The following ARB2A variants were observed in gnomAD, a reference collection of about 807,000 sequenced individuals.
The protein encoded by ARB2A is cotranscriptional regulator ARB2A.
the ARB2A span, among the ~76,000 whole-genome samples, chr5:93,987,396 G>A: frequency 6.6e-6 from 1 of 152,148 alleles, no homozygotes; most frequent in Non-Finnish European, 1.5e-5. Context: ...TTACATTAAA[G>A]AGACTATGAT....
chr5:93,868,248 AG>A, the ARB2A span, among the ~76,000 whole-genome samples: 1 of 152,194 alleles, frequency 6.6e-6, no homozygotes, highest in Admixed American at 6.5e-5. Flanking sequence ...TTGAGCCCAG[AG>A]GTCAAGGCTG....
At chr5:93,966,664 G>A in the ARB2A span, among the ~76,000 whole-genome samples, 9 of 152,086 alleles carry the variant, frequency 5.9e-5, no homozygotes, top group South Asian at 2.1e-4. Flanking sequence ...GCAATTCTCC[G>A]TGTTCAGCAT....
the ARB2A span, among the ~76,000 whole-genome samples, chr5:93,924,403 C>G: frequency 6.6e-6 from 1 of 152,052 alleles, no homozygotes; most frequent in Non-Finnish European, 1.5e-5. Context: ...AATGGATAAC[C>G]AGATAAATGG....
the ARB2A span, among the ~76,000 whole-genome samples, chr5:94,110,951 G>A: frequency 6.6e-6 from 1 of 152,168 alleles, no homozygotes; most frequent in African/African-American, 2.4e-5. Context: ...ACCTGGATGA[G>A]GGAAAGAGAA....
At chr5:93,772,968 T>G in the ARB2A span, among the ~76,000 whole-genome samples, 1 of 152,250 alleles carries the variant, frequency 6.6e-6, no homozygotes, top group Non-Finnish European at 1.5e-5. Context: ...CAGCTGTGAC[T>G]GCTAGGTGAC....
the ARB2A span, among the ~76,000 whole-genome samples, chr5:93,748,067 GT>G: frequency 6.6e-6 from 1 of 152,106 alleles, no homozygotes; most frequent in Non-Finnish European, 1.5e-5. Flanking sequence ...AGAATTTTCT[GT>G]AATAATTTAA....
the ARB2A span, among the ~76,000 whole-genome samples, chr5:94,084,190 CT>C: frequency 6.8e-6 from 1 of 147,332 alleles, no homozygotes; most frequent in Non-Finnish European, 1.5e-5. Context: ...AGGAGAATCA[CT>C]TGAACCCAAG....
At chr5:94,010,640 C>T in the ARB2A span, among the ~76,000 whole-genome samples, 2 of 152,088 alleles carry the variant, frequency 1.3e-5, no homozygotes, top group Non-Finnish European at 2.9e-5. Flanking sequence ...GGAGCCTTCT[C>T]ATTTACAGTC....
the ARB2A span, chr5:93,881,737 T>C: frequency 7.7e-7 from 1 of 1,303,758 alleles, no homozygotes; most frequent in Middle Eastern, 2.4e-4. Flanking sequence ...TATAATCCAT[T>C]TCAATTTTCA....
the ARB2A span, among the ~76,000 whole-genome samples, chr5:93,688,961 C>G: frequency 6.6e-6 from 1 of 152,208 alleles, no homozygotes; most frequent in African/African-American, 2.4e-5. Flanking sequence ...TTACCCTTAT[C>G]ACAGCTAGAC....
chr5:94,034,806 C>T, the ARB2A span, among the ~76,000 whole-genome samples: 4 of 152,266 alleles, frequency 2.6e-5, no homozygotes, highest in Middle Eastern at 3.4e-3. Flanking sequence ...TGTTAGGAAC[C>T]GGGCTGCACA....
the ARB2A span, among the ~76,000 whole-genome samples, chr5:94,086,312 T>C: frequency 2.0e-5 from 3 of 152,204 alleles, no homozygotes; most frequent in Non-Finnish European, 4.4e-5. Context: ...TTTTGGTTAA[T>C]GACAGAATGC....
the ARB2A span, among the ~76,000 whole-genome samples, chr5:93,667,265 G>T: frequency 6.6e-6 from 1 of 152,004 alleles, no homozygotes; most frequent in Non-Finnish European, 1.5e-5. Flanking sequence ...CTAAATTACA[G>T]TATTAATTTC....
At chr5:93,682,931 A>T in the ARB2A span, 5 of 1,577,396 alleles carry the variant, frequency 3.2e-6, no homozygotes, top group South Asian at 3.3e-5. Context: ...TTTGGCTTCC[A>T]CTTTGGGAAG....
chr5:93,853,027 G>T, the ARB2A span, among the ~76,000 whole-genome samples: 2 of 152,190 alleles, frequency 1.3e-5, no homozygotes, highest in African/African-American at 2.4e-5. Flanking sequence ...GATGGCATTG[G>T]ATCTATAAAT....
the ARB2A span, among the ~76,000 whole-genome samples, chr5:93,721,190 G>C: frequency 6.6e-6 from 1 of 152,124 alleles, no homozygotes; most frequent in South Asian, 2.1e-4. Context: ...GTGGAACCTA[G>C]CGAGGCAGCT....
chr5:94,089,592 T>TACACAC, the ARB2A span, among the ~76,000 whole-genome samples: 2 of 79,752 alleles, frequency 2.5e-5, no homozygotes, highest in Admixed American at 1.5e-4. Context: ...TAAAACCGTT[T>TACACAC]ATACACACAC....
the ARB2A span, among the ~76,000 whole-genome samples, chr5:93,706,972 G>A: frequency 6.6e-6 from 1 of 151,960 alleles, no homozygotes; most frequent in Non-Finnish European, 1.5e-5. Context: ...CACTGGATAT[G>A]ATCATAAGAG....
chr5:93,741,630 C>A, the ARB2A span: 1 of 1,435,096 alleles, frequency 7.0e-7, no homozygotes, highest in South Asian at 1.5e-5. Flanking sequence ...GAACAGCCAC[C>A]GGCCCCCTCA....
Sources: gnomAD v4.1 joint callset for allele counts (sites outside exome capture counted in the v4.1 genomes callset) on GRCh38, gnomAD v4.1.1 for gene constraint, MANE v1.5 for transcripts, NCBI Gene and HGNC (gene_info 2026-07-23, HGNC 2026-07-21) for gene names.